Variants in TMEM196 observed in about 807,000 individuals in gnomAD.
TMEM196 encodes the protein transmembrane protein 196.
A neutral mutation model predicts 20.0 loss-of-function variants in TMEM196; 17 were observed. That is an observed-to-expected ratio of 0.85 (90% CI 0.58 to 1.27). The LOEUF is 1.27. Ranked by LOEUF, TMEM196 falls within the 50% of genes most tolerant of loss-of-function variation. The pLI, the probability that TMEM196 is intolerant of heterozygous loss-of-function variation, is 0.00. For missense variants in TMEM196, 267 were observed against 223.0 expected (o/e 1.20, Z -1.26); for synonymous variants, 113 against 88.9 (o/e 1.27, Z -1.52).
At chr7:19,751,173 T>C (rs912878637) in intron 1 of TMEM196, among the ~76,000 whole-genome samples, 6 of 152,218 alleles carry the variant, frequency 3.9e-5, no homozygotes, top group South Asian at 2.1e-4. Flanking sequence ...CTTGACAAGA[T>C]AGATAGCATG....
chr7:19,728,836 A>G (rs753547905), intron 2 of TMEM196, among the ~76,000 whole-genome samples: 2 of 152,182 alleles, frequency 1.3e-5, no homozygotes, highest in African/African-American at 4.8e-5. Context: ...GAAACCCACT[A>G]TAGTACCATA....
intron 1 of TMEM196, among the ~76,000 whole-genome samples, chr7:19,734,561 T>C (rs1784330975): frequency 6.6e-6 from 1 of 152,182 alleles, no homozygotes; most frequent in Non-Finnish European, 1.5e-5. Flanking sequence ...CAGAAGCCTA[T>C]GTGTTGACAG....
chr7:19,721,749 A>T lies in TMEM196; in HGVS notation c.*379T>A, dbSNP rs769727205. The T allele has an allele frequency of 1.4e-4, 28 of 194,664 alleles. No individual in the cohort carries two copies. Among genetic ancestry groups the T allele is most frequent in the African/African-American group, 2.1e-4 (9 of 42,584 alleles). 12.1% of individuals were successfully genotyped at this position (194,664 alleles called of 1,614,324 possible). On this transcript the variant is annotated 3_prime_UTR_variant, in exon 5 of 5. Coordinates refer to ENST00000405844, the MANE Select transcript of TMEM196 (RefSeq NM_001363562.2). ...TACTCATATGAAATATGTCATTACA[A>T]ATATAATAATCATGCTAGTCAAATA...
At chr7:19,767,852 C>G (rs963203341) in intron 1 of TMEM196, among the ~76,000 whole-genome samples, 4 of 151,890 alleles carry the variant, frequency 2.6e-5, no homozygotes, top group African/African-American at 9.7e-5. Context: ...AGGTTTCTTT[C>G]ACTTTATTTT....
Position 19,724,462 on chromosome 7 carries a change from T to C in TMEM196, c.460-109A>G, listed in dbSNP as rs1161523258. 1.1e-5 allele frequency: 10 copies of C among 913,332 alleles called. No homozygotes were observed. The Admixed American group carries it at 2.5e-4, about 23-fold the overall frequency. 56.6% of individuals were successfully genotyped at this position (913,332 alleles called of 1,614,324 possible). On this transcript the variant is annotated intron_variant, in intron 3 of 4. Coordinates refer to ENST00000405844, the MANE Select transcript of TMEM196 (RefSeq NM_001363562.2). ...AAAAGAGCCACTATTCATATATACA[T>C]ATAAAATGGTCATCTATTTTTAACA...
intron 1 of TMEM196, among the ~76,000 whole-genome samples, chr7:19,750,996 A>G (rs942678257): frequency 6.6e-6 from 1 of 152,170 alleles, no homozygotes; most frequent in Non-Finnish European, 1.5e-5. Flanking sequence ...TTTCTCCCTC[A>G]TTGTTGAGGA....
chr7:19,761,161 C>T (rs1785420568), intron 1 of TMEM196, among the ~76,000 whole-genome samples: 1 of 152,196 alleles, frequency 6.6e-6, no homozygotes, highest in Non-Finnish European at 1.5e-5. Flanking sequence ...TCTTGGCTTT[C>T]AGCTTTCCCC....
chr7:19,746,669 C>G (rs2128027467), intron 1 of TMEM196, among the ~76,000 whole-genome samples: 1 of 152,250 alleles, frequency 6.6e-6, no homozygotes. Context: ...ACTATTTTTA[C>G]TTTTCTTTTG....
intron 1 of TMEM196, among the ~76,000 whole-genome samples, chr7:19,761,722 A>G (rs895873043): frequency 1.3e-5 from 2 of 152,320 alleles, no homozygotes; most frequent in African/African-American, 4.8e-5. Flanking sequence ...AAGTAACTGA[A>G]AGAAAGATGA....
At chr7:19,761,131 C>T (rs1419374874) in intron 1 of TMEM196, among the ~76,000 whole-genome samples, 2 of 152,192 alleles carry the variant, frequency 1.3e-5, no homozygotes, top group East Asian at 3.9e-4. Context: ...CTTTATTAGA[C>T]TTACAGACCT....
chr7:19,723,062 A>G (rs1783865967), intron 4 of TMEM196, among the ~76,000 whole-genome samples: 1 of 152,126 alleles, frequency 6.6e-6, no homozygotes, highest in Non-Finnish European at 1.5e-5. Flanking sequence ...TTTCTCAATT[A>G]TTTTATTTCT....
At chr7:19,770,728 G>A (rs535939375) in intron 1 of TMEM196, among the ~76,000 whole-genome samples, 1 of 152,190 alleles carries the variant, frequency 6.6e-6, no homozygotes, top group South Asian at 2.1e-4. Flanking sequence ...AGATATGTCT[G>A]ACTTATTTGC....
At chr7:19,737,377 G>A (rs771152255) in intron 1 of TMEM196, among the ~76,000 whole-genome samples, 8 of 151,964 alleles carry the variant, frequency 5.3e-5, no homozygotes, top group Non-Finnish European at 8.8e-5. Flanking sequence ...AATAGAAAAT[G>A]GTGTAGCCAC....
intron 1 of TMEM196, among the ~76,000 whole-genome samples, chr7:19,769,139 A>T (rs1318988426): frequency 6.6e-6 from 1 of 152,140 alleles, no homozygotes; most frequent in Non-Finnish European, 1.5e-5. Flanking sequence ...CACTAATCAA[A>T]ATATAGTTTG....
intron 1 of TMEM196, among the ~76,000 whole-genome samples, chr7:19,739,426 T>G (rs1784510871): frequency 6.6e-6 from 1 of 152,080 alleles, no homozygotes; most frequent in African/African-American, 2.4e-5. Flanking sequence ...AAAATATAAT[T>G]GCTATAGTCT....
intron 1 of TMEM196, among the ~76,000 whole-genome samples, chr7:19,769,843 A>G (rs1785794018): frequency 6.6e-6 from 1 of 152,210 alleles, no homozygotes; most frequent in African/African-American, 2.4e-5. Flanking sequence ...GGTTATTGCA[A>G]ATACTGCACT....
chr7:19,734,047 G>A (rs1368778943), intron 1 of TMEM196, among the ~76,000 whole-genome samples: 1 of 152,028 alleles, frequency 6.6e-6, no homozygotes, highest in Non-Finnish European at 1.5e-5. Context: ...ATGAACAGGG[G>A]CTCAAGCTGA....
chr7:19,730,546 G>T (rs1176294029), intron 1 of TMEM196, among the ~76,000 whole-genome samples: 1 of 152,162 alleles, frequency 6.6e-6, no homozygotes, highest in Non-Finnish European at 1.5e-5. Flanking sequence ...GATTTGTAAA[G>T]AAAATTTTTA....
intron 1 of TMEM196, among the ~76,000 whole-genome samples, chr7:19,745,656 G>T (rs1784724490): frequency 6.7e-6 from 1 of 149,668 alleles, no homozygotes; most frequent in Non-Finnish European, 1.5e-5. Flanking sequence ...AGAAGTACAA[G>T]AGGAAAATTA....
Sources: allele counts gnomAD v4.1 joint callset (sites outside exome capture counted in the v4.1 genomes callset), GRCh38; gene constraint gnomAD v4.1.1; transcripts MANE v1.5; gene names NCBI Gene and HGNC (gene_info 2026-07-23, HGNC 2026-07-21).